Variants in CUL2 observed in about 807,000 individuals in gnomAD.
CUL2 encodes cullin 2.
A neutral mutation model predicts 110.2 loss-of-function variants in CUL2; 22 were observed. That is an observed-to-expected ratio of 0.20 (90% CI 0.14 to 0.28). CUL2 has a LOEUF of 0.28. CUL2 is among the 10% of genes least tolerant of loss of function. CUL2 has a pLI of 1.00. For missense variants in CUL2, 631 were observed against 905.5 expected (o/e 0.70, Z 3.89); for synonymous variants, 279 against 293.2 (o/e 0.95, Z 0.49).
intron 1 of CUL2, among the ~76,000 whole-genome samples, chr10:35,087,536 A>G (rs1034652172): frequency 6.6e-6 from 1 of 152,078 alleles, no homozygotes; most frequent in Non-Finnish European, 1.5e-5. Context: ...CTCCACTTGA[A>G]CAACGAAATC....
chr10:35,011,800 G>A (rs1564691272), intron 20 of CUL2, 48 bp downstream of exon 20: 1 of 941,970 alleles, frequency 1.1e-6, no homozygotes, highest in African/African-American at 1.6e-5. Context: ...TCTGTACAAT[G>A]ACAATGCCCT....
chr10:35,110,668 G>C (rs2087513534), intron 1 of CUL2, among the ~76,000 whole-genome samples: 1 of 152,136 alleles, frequency 6.6e-6, no homozygotes, highest in South Asian at 2.1e-4. Flanking sequence ...GAGGGCCTAA[G>C]GGAGGAGTCT....
At chr10:35,061,858 T>C (rs1406483263) in intron 3 of CUL2, among the ~76,000 whole-genome samples, 2 of 149,902 alleles carry the variant, frequency 1.3e-5, no homozygotes. Context: ...TCCTCCTGCC[T>C]CAGCCTCCCA....
At chr10:35,025,369 A>G (rs952834244) in intron 16 of CUL2, among the ~76,000 whole-genome samples, 171 bp from the exon 17 acceptor site, 2 of 152,186 alleles carry the variant, frequency 1.3e-5, no homozygotes, top group Non-Finnish European at 2.9e-5. Context: ...TGTGGTCCCT[A>G]ATCAAGGCTA....
At chr10:35,036,656 T>A (rs961870645) in intron 9 of CUL2, among the ~76,000 whole-genome samples, 4 of 152,244 alleles carry the variant, frequency 2.6e-5, no homozygotes, top group African/African-American at 9.6e-5. Flanking sequence ...GCCTGTTTTT[T>A]GAGCATTTTA....
chr10:35,123,485 A>AT (rs2087701491), intron 1 of CUL2, among the ~76,000 whole-genome samples: 1 of 152,136 alleles, frequency 6.6e-6, no homozygotes, highest in Non-Finnish European at 1.5e-5. Flanking sequence ...AATAGTGGGA[A>AT]TAAAAAAAAA....
upstream of CUL2, among the ~76,000 whole-genome samples, chr10:35,094,673 T>A (rs2135094192): frequency 6.6e-6 from 1 of 152,308 alleles, no homozygotes; most frequent in African/African-American, 2.4e-5. Flanking sequence ...CAACCATGAA[T>A]CACTATAACA....
chr10:35,052,754 G>A (rs1464052706), intron 5 of CUL2, among the ~76,000 whole-genome samples: 2 of 151,994 alleles, frequency 1.3e-5, no homozygotes, highest in Non-Finnish European at 2.9e-5. Context: ...AATTAGCCGG[G>A]TGTGGTGGCA....
chr10:35,053,510 T>G (rs2086164717), intron 5 of CUL2, among the ~76,000 whole-genome samples: 1 of 152,252 alleles, frequency 6.6e-6, no homozygotes, highest in African/African-American at 2.4e-5. Context: ...GAATGTTGGA[T>G]GCTGAAATTT....
At chr10:35,082,134 GAAA>G (rs57996012) in intron 1 of CUL2, among the ~76,000 whole-genome samples, 1 of 139,612 alleles carries the variant, frequency 7.2e-6, no homozygotes. Context: ...CATCTTGACT[GAAA>G]AAAAAAAAAA....
intron 1 of CUL2, among the ~76,000 whole-genome samples, chr10:35,111,553 C>G (rs192141674): frequency 6.6e-6 from 1 of 152,292 alleles, no homozygotes; most frequent in Admixed American, 6.5e-5. Flanking sequence ...CCATTGCACC[C>G]AGCCAATAAT....
chr10:35,078,176 A>C (rs1197388384), intron 1 of CUL2, among the ~76,000 whole-genome samples: 5 of 152,210 alleles, frequency 3.3e-5, no homozygotes, highest in Admixed American at 6.6e-5. Context: ...CTCACAAAAC[A>C]CATGGTACTG....
intron 8 of CUL2, among the ~76,000 whole-genome samples, chr10:35,040,425 T>C (rs574736724): frequency 2.0e-5 from 3 of 152,268 alleles, no homozygotes; most frequent in South Asian, 4.1e-4. Flanking sequence ...AATTAGAGTT[T>C]CTGAAATTAA....
At chr10:35,022,425 A>G (rs1173189302) in intron 17 of CUL2, among the ~76,000 whole-genome samples, 1 of 152,188 alleles carries the variant, frequency 6.6e-6, no homozygotes, top group Non-Finnish European at 1.5e-5. Context: ...GAATGTAGAA[A>G]TAGACTAGGC....
chr10:35,106,788 G>A (rs542044472), intron 1 of CUL2, among the ~76,000 whole-genome samples: 9 of 152,108 alleles, frequency 5.9e-5, no homozygotes, highest in East Asian at 3.9e-4. Flanking sequence ...GAGTGGTTAT[G>A]ATCTGAAAAA....
chr10:35,026,175 G>T (rs1261751180), intron 16 of CUL2, among the ~76,000 whole-genome samples: 1 of 152,172 alleles, frequency 6.6e-6, no homozygotes, highest in African/African-American at 2.4e-5. Flanking sequence ...TAATGGTGCA[G>T]CATCCTCCTC....
At chr10:35,068,298 T>C (rs145244350) in intron 2 of CUL2, among the ~76,000 whole-genome samples, 178 of 152,058 alleles carry the variant, frequency 1.2e-3, no homozygotes, top group Middle Eastern at 6.8e-3. Context: ...GGCGGGCACT[T>C]TTAATCCCAG....
chr10:35,059,803 T>C (rs2086335950), intron 4 of CUL2, among the ~76,000 whole-genome samples: 1 of 152,248 alleles, frequency 6.6e-6, no homozygotes, highest in South Asian at 2.1e-4. Flanking sequence ...TTGTGATTCA[T>C]TAGCTGAGTG....
At chr10:35,047,485 C>T (rs1214204240) in intron 6 of CUL2, among the ~76,000 whole-genome samples, 1 of 151,400 alleles carries the variant, frequency 6.6e-6, no homozygotes, top group Non-Finnish European at 1.5e-5. Context: ...TGGTGCGCGT[C>T]TGTAGTCCCA....
Sources: allele counts gnomAD v4.1 joint callset (sites outside exome capture counted in the v4.1 genomes callset), GRCh38; gene constraint gnomAD v4.1.1; transcripts MANE v1.5; gene names NCBI Gene and HGNC (gene_info 2026-07-23, HGNC 2026-07-21).